Variants in ASB7 observed in about 807,000 individuals in gnomAD.
ASB7 encodes the protein ankyrin repeat and SOCS box containing 7.
A neutral mutation model predicts 32.5 loss-of-function variants in ASB7; 4 were observed. That is an observed-to-expected ratio of 0.12 (90% confidence interval 0.06 to 0.28). The LOEUF (loss-of-function observed/expected upper bound fraction) is 0.28, where lower values mean the gene tolerates loss of function less well. ASB7 is among the 10% of genes least tolerant of loss of function. The pLI is 1.00. For synonymous variants in ASB7, 172 were observed against 155.6 expected (o/e 1.11, Z -0.78); for missense variants, 181 against 407.1 (o/e 0.44, Z 4.78).
Position 100,624,073 on chromosome 15 carries a change from A to G in ASB7, c.212-5364A>G, listed in dbSNP as rs1401271550. Among the ~76,000 whole-genome samples, 10 of 152,296 alleles carry G rather than the reference A, an allele frequency of 6.6e-5. No homozygotes were observed. In the East Asian group the frequency reaches 1.9e-3, roughly 29 times the overall value. Reference sequence around the variant, plus strand: ...AGTCAAGCACAGAAAGACAAATATCATGTTCTCACTCATGTGGAAGCTAAA... The same window carrying G: ...AGTCAAGCACAGAAAGACAAATATCGTGTTCTCACTCATGTGGAAGCTAAA... On this transcript the variant is annotated intron_variant, in intron 4 of 5. Coordinates refer to ENST00000332783, the MANE Select transcript of ASB7 (RefSeq NM_198243.3).
chr15:100,614,457 T>G lies in ASB7; in HGVS notation c.211+2030T>G, dbSNP rs145174587. On this transcript the variant is annotated intron_variant, in intron 4 of 5. Coordinates refer to ENST00000332783, the MANE Select transcript of ASB7 (RefSeq NM_198243.3). Reference sequence around the variant, plus strand: ...CAAACTTGTTCTGTAAAAGGCCAGATAGTAAACATGAGAGGCTTTGTGTGC... The same window carrying G: ...CAAACTTGTTCTGTAAAAGGCCAGAGAGTAAACATGAGAGGCTTTGTGTGC... 1.3e-3 allele frequency among the ~76,000 whole-genome samples: 191 copies of G among 152,262 alleles called. 1 individual carries two copies. Among genetic ancestry groups the G allele is most frequent in the Middle Eastern group, 3.4e-3 (1 of 294 alleles).
At chr15:100,648,217 C>G in intron 5 of ASB7, 106 bp from the exon 6 acceptor site, 1 of 1,230,040 alleles carries the variant, frequency 8.1e-7, no homozygotes, top group Non-Finnish European at 1.1e-6. Context: ...CTTTGCATGT[C>G]AAGTCCATAG....
chr15:100,641,989 G>A (rs1042631551), intron 5 of ASB7, among the ~76,000 whole-genome samples: 17 of 152,194 alleles, frequency 1.1e-4, no homozygotes, highest in Admixed American at 1.1e-3. Flanking sequence ...CCTGGCTCCA[G>A]AGTTGATGCT....
intron 5 of ASB7, among the ~76,000 whole-genome samples, chr15:100,633,932 G>A (rs915748921): frequency 6.6e-6 from 1 of 152,198 alleles, no homozygotes; most frequent in Non-Finnish European, 1.5e-5. Flanking sequence ...GCTCTGGCAT[G>A]TGGGCATTGG....
intron 5 of ASB7, chr15:100,645,865 A>G (rs1314750066): frequency 3.2e-6 from 3 of 934,948 alleles, no homozygotes; most frequent in African/African-American, 1.6e-5. Context: ...TACGCTGCAG[A>G]TTTCTTCAGC....
At position 100,629,693 on chromosome 15, in the gene ASB7, C is replaced by T. The variant is rs549056141; in HGVS notation, c.468C>T (p.Leu156=). 5.0e-6 allele frequency: 8 copies of T among 1,614,202 alleles called. No homozygotes were observed. Among genetic ancestry groups the T allele is most frequent in the East Asian group, 2.2e-5 (1 of 44,890 alleles). Residue 156 remains leucine (L), a synonymous_variant, in exon 5 of 6, where the codon CTC becomes CTT. Coordinates refer to ENST00000332783, the MANE Select transcript of ASB7 (RefSeq NM_198243.3). This position sits in a 1 kb window ranked among gnomAD's most constrained non-coding sequence, Gnocchi z 6.8. ...LSDKGTTPLQ[L]AIIRERSSCV... ...ATAAAGGTACCACACCGCTTCAGCT[C>T]GCCATTATCCGAGAGAGGTCAAGCT...
intron 5 of ASB7, among the ~76,000 whole-genome samples, chr15:100,632,057 C>A (rs372569333): frequency 1.3e-5 from 2 of 152,342 alleles, no homozygotes; most frequent in South Asian, 4.1e-4. Context: ...TGCCGTGTGT[C>A]CCTGAGCCCT....
chr15:100,608,245 A>G (rs1360711223), intron 2 of ASB7, among the ~76,000 whole-genome samples: 1 of 152,234 alleles, frequency 6.6e-6, no homozygotes, highest in African/African-American at 2.4e-5. Context: ...TTGGATTTAC[A>G]GAACAATTAC....
intron 5 of ASB7, among the ~76,000 whole-genome samples, chr15:100,645,261 C>G (rs543831336): frequency 2.0e-4 from 31 of 151,710 alleles, no homozygotes; most frequent in Admixed American, 1.8e-3. Context: ...ATTATAAATA[C>G]AAAATAAGAA....
chr15:100,627,813 G>C (rs2039852086), intron 4 of ASB7, among the ~76,000 whole-genome samples: 1 of 152,186 alleles, frequency 6.6e-6, no homozygotes, highest in Non-Finnish European at 1.5e-5. Context: ...GTATAGATTA[G>C]AAATGACCTC....
At chr15:100,634,354 G>A (rs1174219654) in intron 5 of ASB7, among the ~76,000 whole-genome samples, 3 of 152,160 alleles carry the variant, frequency 2.0e-5, no homozygotes, top group South Asian at 2.1e-4. Flanking sequence ...TTTAATGATC[G>A]GCACAACTGC....
At chr15:100,630,326 G>T (rs2039874460) in intron 5 of ASB7, 2 of 519,122 alleles carry the variant, frequency 3.9e-6, no homozygotes, top group Non-Finnish European at 5.6e-6. Flanking sequence ...AATGAACAAA[G>T]ATCTGTGTTA....
chr15:100,629,451 A>G lies in ASB7; in HGVS notation c.226A>G (p.Lys76Glu). ...FLEHGADPTV[K>E]DLIGGFTALH... ...TTTAACTCCAGCTGATCCTACAGTT[A>G]AAGACTTAATCGGAGGCTTCACGGC... The change falls in exon 5 of 6, where the codon AAA (lysine) becomes GAA (glutamate). Residue 76 changes from lysine to glutamate, a missense_variant. Transcript: ENST00000332783. The surrounding 1 kb of genome is among the most constrained non-coding windows in gnomAD (Gnocchi z 6.8). 6.2e-7 allele frequency: 1 copy of G among 1,611,608 alleles called. No homozygotes were observed. The highest frequency in any genetic ancestry group is 8.5e-7 in the Non-Finnish European group (1 of 1,177,986).
rs1439025478 is a variant in ASB7 at position 100,629,139 on chromosome 15, G to C, written c.212-298G>C. Among the ~76,000 whole-genome samples, 1 of 152,156 alleles carries C rather than the reference G, an allele frequency of 6.6e-6. No homozygotes were observed. Among genetic ancestry groups the C allele is most frequent in the Non-Finnish European group, 1.5e-5 (1 of 68,020 alleles). The stretch of plus-strand genomic sequence containing the variant: ...AGGAGTTGAGTAGCCAGAGGCAGTT[G>C]GTTAAATTAGCAAAGACAGGGGATG... On this transcript the variant is annotated intron_variant, in intron 4 of 5. Coordinates refer to ENST00000332783, the MANE Select transcript of ASB7 (RefSeq NM_198243.3). This position sits in a 1 kb window ranked among gnomAD's most constrained non-coding sequence, Gnocchi z 6.8.
rs10083594 is a variant in ASB7 at position 100,624,807 on chromosome 15, C to T, written c.212-4630C>T. Among the ~76,000 whole-genome samples the T allele has an allele frequency of 9.8e-3, 1,495 of 152,182 alleles. 28 individuals are homozygous for T. The highest frequency in any genetic ancestry group is 0.034 in the African/African-American group (1,415 of 41,534). On this transcript the variant is annotated intron_variant, in intron 4 of 5. Transcript: ENST00000332783. Reference sequence around the variant, plus strand: ...TTGTGTAGCCCTGATACAGACCAAACAAAGACCTTGGAAGAAAACTATAAG... The same window carrying T: ...TTGTGTAGCCCTGATACAGACCAAATAAAGACCTTGGAAGAAAACTATAAG...
chr15:100,604,245 T>C (rs1251005174), intron 2 of ASB7, among the ~76,000 whole-genome samples: 2 of 152,204 alleles, frequency 1.3e-5, no homozygotes, highest in African/African-American at 2.4e-5. Context: ...TGCTGCCATA[T>C]TTTGTTGCTG....
At chr15:100,620,109 G>A (rs1247649306) in intron 4 of ASB7, among the ~76,000 whole-genome samples, 2 of 152,140 alleles carry the variant, frequency 1.3e-5, no homozygotes, top group African/African-American at 4.8e-5. Flanking sequence ...TGGTTCCAGA[G>A]CTACCCCCTC....
At chr15:100,627,884 T>A (rs1405642193) in intron 4 of ASB7, among the ~76,000 whole-genome samples, 1 of 152,184 alleles carries the variant, frequency 6.6e-6, no homozygotes, top group African/African-American at 2.4e-5. Context: ...CGCCTGACTT[T>A]GAACTTCTGG....
At position 100,647,345 on chromosome 15, in the gene ASB7, G is replaced by A. The variant is rs953382302; in HGVS notation, c.818-978G>A. Among the ~76,000 whole-genome samples the A allele has an allele frequency of 7.2e-5, 11 of 152,162 alleles. No homozygotes were observed. The South Asian group carries it at 8.3e-4, about 11-fold the overall frequency. On this transcript the variant is annotated intron_variant, in intron 5 of 5. Coordinates refer to ENST00000332783, the MANE Select transcript of ASB7 (RefSeq NM_198243.3). Reference sequence around the variant, plus strand: ...GGATGATGATCAAAGTACTTCCCTCGTAAAAGGATGAAAGGAGTTAATACA... The same window carrying A: ...GGATGATGATCAAAGTACTTCCCTCATAAAAGGATGAAAGGAGTTAATACA...
Sources: allele counts gnomAD v4.1 joint callset (sites outside exome capture counted in the v4.1 genomes callset), GRCh38; gene constraint gnomAD v4.1.1; non-coding constraint Gnocchi (gnomAD v3.1); transcripts MANE v1.5; gene names NCBI Gene and HGNC (gene_info 2026-07-23, HGNC 2026-07-21).